The following CHM variants were observed in gnomAD, a reference collection of about 807,000 sequenced individuals.
The protein encoded by CHM is rab proteins geranylgeranyltransferase component A 1.
CHM carries 10 observed loss-of-function variants against 49.0 expected under a neutral mutation model. That is an observed-to-expected ratio of 0.20 (90% CI 0.13 to 0.35). The LOEUF (loss-of-function observed/expected upper bound fraction) is 0.35, where lower values mean the gene tolerates loss of function less well. Among genes scored for constraint, CHM ranks in the 10% least tolerant of loss-of-function variants. The pLI is 1.00. For synonymous variants in CHM, 184 were observed against 167.5 expected (o/e 1.10, Z -0.76); for missense variants, 455 against 478.4 (o/e 0.95, Z 0.46).
At chrX:85,873,750 G>A (rs1924251483) in intron 13 of CHM, among the ~76,000 whole-genome samples, 2 of 110,828 alleles carry the variant, frequency 1.8e-5, no homozygotes, top group African/African-American at 6.5e-5. Flanking sequence ...AAGAGACAAT[G>A]AATTGTACAC....
rs199538624 is a variant in CHM at position 86,012,078 on chromosome X, C to T, written c.116+15413G>A. Among the ~76,000 whole-genome samples the T allele has an allele frequency of 4.5e-5, 5 of 111,676 alleles. No homozygotes were observed. The East Asian group carries it at 1.4e-3, about 31-fold the overall frequency. On this transcript the variant is annotated intron_variant, in intron 2 of 14. Coordinates refer to ENST00000357749, the MANE Select transcript of CHM (RefSeq NM_000390.4). ...AACAGCAGTAATAGGAAACTAAGACCACTAGTAATAGCAGTAAGTGATGAG... is the reference window on the plus strand; with the variant it reads ...AACAGCAGTAATAGGAAACTAAGACTACTAGTAATAGCAGTAAGTGATGAG...
intron 4 of CHM, among the ~76,000 whole-genome samples, chrX:85,967,652 A>C (rs1221334638): frequency 8.9e-6 from 1 of 112,190 alleles, no homozygotes; most frequent in Non-Finnish European, 1.9e-5. Context: ...TCACTATCAA[A>C]ATTGATTTCA....
chrX:85,947,539 C>G (rs1206830426), intron 8 of CHM, among the ~76,000 whole-genome samples: 1 of 111,331 alleles, frequency 9.0e-6, no homozygotes, highest in Non-Finnish European at 1.9e-5. Flanking sequence ...GATGCCAGTA[C>G]CATGCTCCCT....
intron 11 of CHM, among the ~76,000 whole-genome samples, chrX:85,898,894 A>C (rs1294040261): frequency 8.9e-6 from 1 of 112,533 alleles, no homozygotes; most frequent in African/African-American, 3.2e-5. Flanking sequence ...GCTGGAAGGT[A>C]AAAGGCACTC....
At position 85,864,045 on chromosome X, in the gene CHM, C is replaced by T. The variant is rs902344424; in HGVS notation, c.*585G>A. 8.8e-6 allele frequency: 1 copy of T among 113,374 alleles called. No homozygotes were observed. The highest frequency in any genetic ancestry group is 1.8e-5 in the Non-Finnish European group (1 of 54,199). 9.3% of individuals were successfully genotyped at this position (113,374 alleles called of 1,213,427 possible). A position where few individuals can be genotyped will look rare whatever the true frequency, so the allele number is the denominator to read the frequency against. On this transcript the variant is annotated 3_prime_UTR_variant, in exon 15 of 15. Coordinates refer to ENST00000357749, the MANE Select transcript of CHM (RefSeq NM_000390.4). ...ATATCACTACTGATACTAAAAAACA[C>T]TACTGACTTATTCGTAAAAATGTCT... is the stretch of plus-strand genomic sequence containing the variant.
intron 4 of CHM, chrX:85,969,268 G>T: frequency 1.4e-6 from 1 of 727,911 alleles, no homozygotes; most frequent in Non-Finnish European, 1.6e-6. Flanking sequence ...TAATATTTTA[G>T]AAAGATAAAA....
At chrX:85,936,152 T>C (rs1029630831) in intron 8 of CHM, among the ~76,000 whole-genome samples, 4 of 111,895 alleles carry the variant, frequency 3.6e-5, no homozygotes, top group African/African-American at 1.3e-4. Context: ...ATGACTTTTA[T>C]AAAGCAAATA....
At chrX:86,027,275 C>CAAAGT in intron 2 of CHM, 1 of 404,069 alleles carries the variant, frequency 2.5e-6, no homozygotes, top group Non-Finnish European at 4.4e-6. Context: ...GGTTTATTCT[C>CAAAGT]AAAGATCACT....
intron 2 of CHM, among the ~76,000 whole-genome samples, chrX:86,014,070 G>A (rs930859791): frequency 8.9e-6 from 1 of 111,975 alleles, no homozygotes; most frequent in Non-Finnish European, 1.9e-5. Context: ...AGTGGCCAGT[G>A]GGCCATAGTT....
At chrX:85,961,057 G>A (rs754067418) in intron 5 of CHM, among the ~76,000 whole-genome samples, 1 of 111,259 alleles carries the variant, frequency 9.0e-6, no homozygotes, top group African/African-American at 3.3e-5. Context: ...ATTATATCAT[G>A]ATGTCTTTGA....
rs1375595308 is a variant in CHM at position 85,933,108 on chromosome X, T to G, written c.1167-21770A>C. On this transcript the variant is annotated intron_variant, in intron 8 of 14. Coordinates refer to ENST00000357749, the MANE Select transcript of CHM (RefSeq NM_000390.4). ...TTGTAGTCCCAGTTACTTGGGAGGC[T>G]AAGGCAGGAGGATCCCTTGAGCTCA... Among the ~76,000 whole-genome samples, 3 of 111,071 alleles carry G rather than the reference T, an allele frequency of 2.7e-5. No homozygotes were observed. The Admixed American group carries it at 2.9e-4, about 11-fold the overall frequency.
At chrX:85,941,255 C>T (rs1929088424) in intron 8 of CHM, among the ~76,000 whole-genome samples, 2 of 111,771 alleles carry the variant, frequency 1.8e-5, no homozygotes, top group African/African-American at 3.3e-5. Flanking sequence ...GTGATTGCTT[C>T]TTCTACAGCA....
At chrX:86,027,448 G>A in intron 2 of CHM, 43 bp downstream of exon 2, 1 of 1,045,191 alleles carries the variant, frequency 9.6e-7, no homozygotes, top group Non-Finnish European at 1.3e-6. Flanking sequence ...ATCCTGTATA[G>A]AGATATTTAG....
chrX:85,985,271 C>T (rs1162776111), intron 2 of CHM, among the ~76,000 whole-genome samples: 1 of 112,372 alleles, frequency 8.9e-6, no homozygotes, highest in African/African-American at 3.2e-5. Flanking sequence ...CCCCCAAGCC[C>T]AGCACAGCGG....
At chrX:85,983,545 T>C (rs1931745156) in intron 2 of CHM, among the ~76,000 whole-genome samples, 2 of 111,346 alleles carry the variant, frequency 1.8e-5, no homozygotes, top group South Asian at 3.8e-4. Flanking sequence ...TCAACAAAAC[T>C]AGAAAATATC....
chrX:85,983,977 G>A (rs765822607), intron 2 of CHM, among the ~76,000 whole-genome samples: 27 of 110,585 alleles, frequency 2.4e-4, no homozygotes, highest in Admixed American at 5.8e-4. Flanking sequence ...CGAGGTGGGC[G>A]GATCACCTGA....
chrX:85,864,706 C>T lies in CHM; in HGVS notation c.1886G>A (p.Ser629Asn). 8.3e-7 allele frequency: 1 copy of T among 1,209,537 alleles called. No individual in the cohort carries two copies. Among genetic ancestry groups the T allele is most frequent in the Non-Finnish European group, 1.1e-6 (1 of 894,264 alleles). The change falls in exon 15 of 15, where the codon AGT (serine) becomes AAT (asparagine). Residue 629 changes from serine (S) to asparagine (N), a missense_variant. Transcript: ENST00000357749. ...CTCCGAGTTAGCCTCTGGTATGGCACTGGATTCTGAAGCCTCTGGCTGTAA... is the reference window on the plus strand; with the variant it reads ...CTCCGAGTTAGCCTCTGGTATGGCATTGGATTCTGAAGCCTCTGGCTGTAA... The part of the protein sequence containing the change: ...DSLQPEASES[S>N]AIPEANSETF...
intron 8 of CHM, among the ~76,000 whole-genome samples, chrX:85,932,033 T>G (rs1401858048): frequency 2.7e-5 from 3 of 111,737 alleles, no homozygotes; most frequent in Non-Finnish European, 5.6e-5. Flanking sequence ...ATTAAGGAAT[T>G]AAACTCAATT....
At chrX:85,941,330 T>C (rs1259397206) in intron 8 of CHM, among the ~76,000 whole-genome samples, 1 of 104,302 alleles carries the variant, frequency 9.6e-6, no homozygotes, top group Non-Finnish European at 2.0e-5. Context: ...ATTCTCATGC[T>C]CCACCCAGAT....
Sources: allele counts gnomAD v4.1 joint callset (sites outside exome capture counted in the v4.1 genomes callset), GRCh38; gene constraint gnomAD v4.1.1; transcripts MANE v1.5; gene names NCBI Gene and HGNC (gene_info 2026-07-23, HGNC 2026-07-21).